CD109: variants seen among roughly 807,000 people sequenced by gnomAD.
The protein encoded by CD109 is CD109 antigen.
In CD109, 149 loss-of-function variants were observed where a neutral mutation model predicts 165.8. The ratio of observed to expected loss-of-function variants is 0.90; its 90% CI spans 0.79 to 1.03. The LOEUF is 1.03. CD109 is among the 50% of genes least tolerant of loss of function. The pLI is 0.00. For missense variants in CD109, 1,712 were observed against 1,677.8 expected (o/e 1.02, Z -0.36); for synonymous variants, 585 against 592.1 (o/e 0.99, Z 0.18).
intron 15 of CD109, among the ~76,000 whole-genome samples, chr6:73,771,869 ATG>A (rs1774046947): frequency 6.6e-6 from 1 of 152,202 alleles, no homozygotes; most frequent in Non-Finnish European, 1.5e-5. Flanking sequence ...ACTGTAGTTA[ATG>A]ATAATGTACC....
chr6:73,809,179 G>A (rs964687678), intron 26 of CD109, among the ~76,000 whole-genome samples: 36 of 152,148 alleles, frequency 2.4e-4, no homozygotes, highest in African/African-American at 8.7e-4. Flanking sequence ...GTCCTCTGGG[G>A]ACTAGAGCAG....
At position 73,766,936 on chromosome 6, in the gene CD109, GT is replaced by G. The variant is rs146545559; in HGVS notation, c.1435-5del. On this transcript the variant is annotated splice_polypyrimidine_tract_variant and intron_variant, in intron 12 of 32. Coordinates refer to ENST00000287097, the MANE Select transcript of CD109 (RefSeq NM_133493.5). The stretch of plus-strand genomic sequence containing the variant: ...TTTTGATATGTACATATTAATTAAG[GT>G]TTTTTTCTAGGTGGGATCGCCTTTT... The G allele has an allele frequency of 4.3e-6, 7 of 1,613,002 alleles. No homozygotes were observed. Among genetic ancestry groups the G allele is most frequent in the Non-Finnish European group, 5.9e-6 (7 of 1,179,506 alleles).
At chr6:73,800,314 A>ATG (rs1475558634) in intron 23 of CD109, among the ~76,000 whole-genome samples, 1 of 152,156 alleles carries the variant, frequency 6.6e-6, no homozygotes, top group African/African-American at 2.4e-5. Flanking sequence ...GTACTCTGTC[A>ATG]TGTGTGTGTA....
At chr6:73,805,850 C>A (rs1027305534) in intron 24 of CD109, among the ~76,000 whole-genome samples, 1 of 152,106 alleles carries the variant, frequency 6.6e-6, no homozygotes, top group East Asian at 1.9e-4. Context: ...TCAGAGGGCA[C>A]GGGGTTGGGG....
chr6:73,744,505 T>G (rs924908847), intron 5 of CD109, among the ~76,000 whole-genome samples: 3 of 152,240 alleles, frequency 2.0e-5, no homozygotes, highest in Non-Finnish European at 4.4e-5. Flanking sequence ...TTTGGATTAA[T>G]GCCCTGGACT....
intron 10 of CD109, among the ~76,000 whole-genome samples, chr6:73,765,625 T>G (rs1773804754): frequency 6.6e-6 from 1 of 151,762 alleles, no homozygotes; most frequent in Non-Finnish European, 1.5e-5. Context: ...AGAACAGATG[T>G]CCAAAATTCC....
intron 5 of CD109, among the ~76,000 whole-genome samples, chr6:73,755,116 A>G (rs1209169212): frequency 6.6e-6 from 1 of 152,246 alleles, no homozygotes; most frequent in African/African-American, 2.4e-5. Flanking sequence ...CATTAGTAAA[A>G]CAGGTAATAG....
At chr6:73,713,547 C>G (rs1771611533) in intron 2 of CD109, among the ~76,000 whole-genome samples, 1 of 152,098 alleles carries the variant, frequency 6.6e-6, no homozygotes, top group Non-Finnish European at 1.5e-5. Context: ...AGCTGCCACA[C>G]CTGGCCTGGG....
chr6:73,779,878 G>A (rs964901893), intron 15 of CD109, among the ~76,000 whole-genome samples: 1 of 151,936 alleles, frequency 6.6e-6, no homozygotes, highest in Non-Finnish European at 1.5e-5. Flanking sequence ...TGCTAATGGG[G>A]TACATGCAAA....
At chr6:73,800,721 T>C (rs961909868) in intron 23 of CD109, among the ~76,000 whole-genome samples, 2 of 152,234 alleles carry the variant, frequency 1.3e-5, no homozygotes, top group East Asian at 1.9e-4. Flanking sequence ...TATTTTTGTC[T>C]TTTGTGACTT....
chr6:73,708,081 G>A (rs1013373199), intron 2 of CD109, among the ~76,000 whole-genome samples: 3 of 149,840 alleles, frequency 2.0e-5, no homozygotes, highest in African/African-American at 7.4e-5. Flanking sequence ...CATGTGCCAT[G>A]TTGGTGTGCT....
intron 4 of CD109, among the ~76,000 whole-genome samples, chr6:73,732,878 T>C (rs1223396015): frequency 1.3e-5 from 2 of 152,210 alleles, no homozygotes; most frequent in African/African-American, 4.8e-5. Context: ...TCAGAGAGAC[T>C]TTCCTCTTAT....
At chr6:73,783,939 T>G (rs760422667) in intron 19 of CD109, 115 bp downstream of exon 19, 25 of 612,962 alleles carry the variant, frequency 4.1e-5, no homozygotes, top group Non-Finnish European at 6.6e-5. Context: ...AGTTTAGAGA[T>G]TCCTTGGCTT....
At chr6:73,767,435 G>A (rs565729166) in intron 13 of CD109, among the ~76,000 whole-genome samples, 83 of 152,178 alleles carry the variant, frequency 5.5e-4, no homozygotes, top group African/African-American at 1.9e-3. Flanking sequence ...TGTGCACCAC[G>A]TTTTCTTTAT....
At chr6:73,689,879 A>C in the CD109 span, among the ~76,000 whole-genome samples, 1 of 152,220 alleles carries the variant, frequency 6.6e-6, no homozygotes, top group African/African-American at 2.4e-5. Flanking sequence ...AAATGTTACA[A>C]ATGTGAAAAA....
At chr6:73,817,517 TC>T (rs1775982201) in intron 30 of CD109, among the ~76,000 whole-genome samples, 1 of 152,226 alleles carries the variant, frequency 6.6e-6, no homozygotes, top group Non-Finnish European at 1.5e-5. Context: ...GCATGGGTTT[TC>T]TGCTCTAAAA....
chr6:73,758,076 C>T (rs946943805), intron 6 of CD109, among the ~76,000 whole-genome samples: 4 of 151,942 alleles, frequency 2.6e-5, no homozygotes, highest in Admixed American at 6.6e-5. Context: ...TCATAGTTGA[C>T]TCACGTGACT....
At chr6:73,810,428 A>G (rs1026935074) in intron 27 of CD109, among the ~76,000 whole-genome samples, 6 of 151,820 alleles carry the variant, frequency 4.0e-5, no homozygotes, top group Non-Finnish European at 7.4e-5. Flanking sequence ...TATGAATTTC[A>G]TGTCTGATAT....
chr6:73,753,141 G>A (rs750199883), intron 5 of CD109, among the ~76,000 whole-genome samples: 1 of 152,150 alleles, frequency 6.6e-6, no homozygotes, highest in Non-Finnish European at 1.5e-5. Flanking sequence ...GTGCTCGTTT[G>A]TTTACAAATT....
Sources: allele counts gnomAD v4.1 joint callset (sites outside exome capture counted in the v4.1 genomes callset), GRCh38; gene constraint gnomAD v4.1.1; transcripts MANE v1.5; gene names NCBI Gene and HGNC (gene_info 2026-07-23, HGNC 2026-07-21).